The following MGRN1 variants were observed in gnomAD, a reference collection of about 807,000 sequenced individuals.
MGRN1 encodes the protein mahogunin ring finger 1, also known as E3 ubiquitin-protein ligase MGRN1.
A neutral mutation model predicts 69.2 loss-of-function variants in MGRN1; 29 were observed. The observed-to-expected ratio is 0.42, with a 90% CI of 0.31 to 0.57. The LOEUF (loss-of-function observed/expected upper bound fraction) is 0.57, where lower values mean the gene tolerates loss of function less well. Ranked by LOEUF, MGRN1 falls within the 20% of genes least tolerant of loss-of-function variation. The pLI is 0.15. For missense variants in MGRN1, 998 were observed against 796.2 expected (o/e 1.25, Z -3.05); for synonymous variants, 470 against 344.2 (o/e 1.37, Z -4.04).
At chr16:4,660,192 C>T (rs142854948) in intron 5 of MGRN1, among the ~76,000 whole-genome samples, 1,666 of 152,346 alleles carry the variant, frequency 0.011, 16 homozygotes, top group Non-Finnish European at 0.017. Context: ...TGGGGGCCCA[C>T]TTTCGTTCTG....
rs532045753 is a variant in MGRN1 at position 4,659,367 on chromosome 16, T to G, written c.561+2004T>G. Among the ~76,000 whole-genome samples the G allele has an allele frequency of 1.3e-4, 20 of 151,996 alleles. No individual in the cohort carries two copies. The South Asian group carries it at 4.2e-3, about 32-fold the overall frequency. ...GAGGTGTCTGTGTTTCCTGTTTGTT[T>G]CATGTTTCCTGGGGTCCCTCCCCAG... On this transcript the variant is annotated intron_variant, in intron 5 of 16. Transcript: ENST00000262370.
intron 16 of MGRN1, among the ~76,000 whole-genome samples, chr16:4,685,635 G>T (rs962317474): frequency 6.6e-6 from 1 of 152,230 alleles, no homozygotes; most frequent in Non-Finnish European, 1.5e-5. Context: ...GCTGTTTGGC[G>T]CCATCTCCGT....
rs1258117526 is a variant in MGRN1, at chr16:4,638,194, G to T, written c.89-12171G>T. ...TTGCAGTTAAAGAAATCAAGGTTGG[G>T]TGTGGTGGCTCCCTGTAATCCCAGC... On this transcript the variant is annotated intron_variant, in intron 1 of 16. Coordinates refer to ENST00000262370, the MANE Select transcript of MGRN1 (RefSeq NM_015246.4). 2.0e-5 allele frequency among the ~76,000 whole-genome samples: 3 copies of T among 152,236 alleles called. No homozygotes were observed. The East Asian group carries it at 5.8e-4, about 29-fold the overall frequency.
chr16:4,688,425 C>T (rs187886686), intron 16 of MGRN1: 4 of 1,045,166 alleles, frequency 3.8e-6, no homozygotes, highest in South Asian at 4.3e-5. Flanking sequence ...CCACCCTAAC[C>T]CAGCCGTAAG....
intron 5 of MGRN1, among the ~76,000 whole-genome samples, chr16:4,661,892 C>G (rs2078690243): frequency 6.6e-6 from 1 of 152,204 alleles, no homozygotes; most frequent in African/African-American, 2.4e-5. Context: ...GTGTGCCATT[C>G]ATTCTGGTCT....
chr16:4,642,466 T>TTGTG (rs143119735), intron 1 of MGRN1, among the ~76,000 whole-genome samples: 1,779 of 141,802 alleles, frequency 0.013, 25 homozygotes, highest in South Asian at 0.046. Context: ...GCCAGCTAAT[T>TTGTG]TGTGTGTGTG....
At chr16:4,638,818 C>T (rs917486084) in intron 1 of MGRN1, among the ~76,000 whole-genome samples, 2 of 152,204 alleles carry the variant, frequency 1.3e-5, no homozygotes, top group African/African-American at 4.8e-5. Context: ...GCAGACACCT[C>T]GTGGCCTTCC....
intron 5 of MGRN1, among the ~76,000 whole-genome samples, chr16:4,658,649 C>G (rs2078607658): frequency 6.6e-6 from 1 of 152,040 alleles, no homozygotes; most frequent in African/African-American, 2.4e-5. Flanking sequence ...TGGGGCCAGT[C>G]CTGTGGCTGT....
chr16:4,642,501 T>TGTGTG (rs1377829789), intron 1 of MGRN1, among the ~76,000 whole-genome samples: 4 of 151,076 alleles, frequency 2.6e-5, no homozygotes, highest in African/African-American at 7.3e-5. Flanking sequence ...TGTGTGTGTG[T>TGTGTG]TTTTAGTAGA....
chr16:4,637,220 AG>A (rs1446654914), intron 1 of MGRN1, among the ~76,000 whole-genome samples: 1 of 151,540 alleles, frequency 6.6e-6, no homozygotes, highest in Non-Finnish European at 1.5e-5. Context: ...ACCTCAGGTC[AG>A]GAGTTGAAGA....
chr16:4,641,588 G>A (rs1272486946), intron 1 of MGRN1, among the ~76,000 whole-genome samples: 3 of 149,344 alleles, frequency 2.0e-5, no homozygotes, highest in Non-Finnish European at 3.0e-5. Flanking sequence ...GTGCAGTCTC[G>A]GCTGACCGCA....
chr16:4,661,449 G>A (rs2078680206), intron 5 of MGRN1, among the ~76,000 whole-genome samples: 1 of 152,264 alleles, frequency 6.6e-6, no homozygotes, highest in Admixed American at 6.5e-5. Flanking sequence ...GGGTGCTGGT[G>A]TTGACTGTGT....
intron 1 of MGRN1, among the ~76,000 whole-genome samples, chr16:4,638,082 T>G (rs1208728161): frequency 6.6e-6 from 1 of 152,218 alleles, no homozygotes; most frequent in Non-Finnish European, 1.5e-5. Flanking sequence ...GCCAGTGTGT[T>G]CACACCTGCC....
intron 4 of MGRN1, among the ~76,000 whole-genome samples, chr16:4,655,899 A>G (rs890798122): frequency 3.3e-5 from 5 of 152,252 alleles, no homozygotes; most frequent in Admixed American, 1.3e-4. Context: ...GCTGGGGTCC[A>G]CCTGAGGGTG....
chr16:4,668,399 A>G, intron 8 of MGRN1, 87 bp downstream of exon 8: 3 of 1,367,768 alleles, frequency 2.2e-6, no homozygotes, highest in Middle Eastern at 1.8e-4. Flanking sequence ...ATAGACACAC[A>G]CTCATACACA....
At chr16:4,688,558 G>A (rs551140021) in intron 16 of MGRN1, 32 of 1,283,550 alleles carry the variant, frequency 2.5e-5, no homozygotes, top group Admixed American at 3.6e-5. Flanking sequence ...CAGATCTGCT[G>A]TGGGTGTCCG....
rs527943259 is a variant in MGRN1 at position 4,689,542 on chromosome 16, C to G, written c.*634C>G. 1.3e-5 allele frequency: 2 copies of G among 152,660 alleles called. No individual in the cohort carries two copies. Among genetic ancestry groups the G allele is most frequent in the East Asian group, 3.9e-4 (2 of 5,184 alleles). 9.5% of individuals were successfully genotyped at this position (152,660 alleles called of 1,614,324 possible). A position where few individuals can be genotyped will look rare whatever the true frequency, so the allele number is the denominator to read the frequency against. ...GCCCTGGGCAGCTAGAGTGTCTCAG[C>G]CCGGTGCTGGGCCTGGCCGAGGGGC... On this transcript the variant is annotated 3_prime_UTR_variant, in exon 17 of 17. Transcript: ENST00000262370.
chr16:4,638,637 C>T (rs1163562561), intron 1 of MGRN1, among the ~76,000 whole-genome samples: 1 of 152,202 alleles, frequency 6.6e-6, no homozygotes, highest in Admixed American at 6.5e-5. Context: ...CCTCTGGCCT[C>T]CCACCTGGTG....
In MGRN1 at chr16:4,671,443, A is replaced by C. The variant is rs2078935362; in HGVS notation, c.779A>C (p.Asn260Thr). Reference sequence around the variant, plus strand: ...GAGATCTATGGCATTGAGAACAAGAACAACCAGGAGACCAAGGTGTGTATC... The same window carrying C: ...GAGATCTATGGCATTGAGAACAAGACCAACCAGGAGACCAAGGTGTGTATC... Reference protein sequence around the residue: ...LQEIYGIENKNNQETKPSDDE... With the variant: ...LQEIYGIENKTNQETKPSDDE... Residue 260 changes from asparagine (N) to threonine (T), a missense_variant, in exon 9 of 17, where the codon AAC (asparagine) becomes ACC (threonine). Physicochemically the swap from Asn to Thr is moderately conservative, Grantham distance 65. Transcript: ENST00000262370. The C allele has an allele frequency of 6.2e-7, 1 of 1,614,042 alleles. No homozygotes were observed. Among genetic ancestry groups the C allele is most frequent in the East Asian group, 2.2e-5 (1 of 44,880 alleles).
Sources: gnomAD v4.1 joint callset for allele counts (sites outside exome capture counted in the v4.1 genomes callset) on GRCh38, gnomAD v4.1.1 for gene constraint, MANE v1.5 for transcripts, NCBI Gene and HGNC (gene_info 2026-07-23, HGNC 2026-07-21) for gene names.